Variants in KCNQ4 observed in about 807,000 individuals in gnomAD.
KCNQ4 encodes the protein potassium voltage-gated channel subfamily Q member 4, also known as potassium voltage-gated channel subfamily KQT member 4.
In KCNQ4, 31 loss-of-function variants were observed where a neutral mutation model predicts 72.6. That is an observed-to-expected ratio of 0.43 (90% CI 0.32 to 0.58). The LOEUF (loss-of-function observed/expected upper bound fraction) is 0.58, where lower values mean the gene tolerates loss of function less well. Among genes scored for constraint, KCNQ4 ranks in the 20% least tolerant of loss-of-function variants. The probability of loss-of-function intolerance (pLI) is 0.08; values close to 1 mark genes in which losing one functional copy is unlikely to be tolerated. For missense variants in KCNQ4, 869 were observed against 962.6 expected (o/e 0.90, Z 1.29); for synonymous variants, 405 against 403.7 (o/e 1.00, Z -0.04).
At chr1:40,807,318 G>A (rs1238947616) in intron 1 of KCNQ4, among the ~76,000 whole-genome samples, 3 of 152,136 alleles carry the variant, frequency 2.0e-5, no homozygotes, top group Admixed American at 1.3e-4. Context: ...TTACTGAGTA[G>A]TGCTCCACCT....
chr1:40,797,753 C>T (rs1647458203), intron 1 of KCNQ4, among the ~76,000 whole-genome samples: 1 of 152,152 alleles, frequency 6.6e-6, no homozygotes, highest in Non-Finnish European at 1.5e-5. Flanking sequence ...ACCAACCCTG[C>T]TCAGGGCCTG....
rs574959759 is a variant in KCNQ4, at chr1:40,812,415, C to A, written c.315-4850C>A. Among the ~76,000 whole-genome samples, 237 of 152,258 alleles carry A rather than the reference C, an allele frequency of 1.6e-3. 2 individuals are homozygous for A. The highest frequency in any genetic ancestry group is 5.2e-3 in the African/African-American group (215 of 41,538). ...GGGACCACAGATGCACACCCCCATG[C>A]CTGGCTAATTTTTGTTTTGATTTTT... On this transcript the variant is annotated intron_variant, in intron 1 of 13. Transcript: ENST00000347132.
Position 40,817,213 on chromosome 1 carries a change from G to A in KCNQ4, c.315-52G>A. 6.7e-7 allele frequency: 1 copy of A among 1,485,180 alleles called. No homozygotes were observed. The highest frequency in any genetic ancestry group is 9.4e-7 in the Non-Finnish European group (1 of 1,066,904). The allele number at this position is 1,485,180 out of a possible 1,614,324, so 92.0% of individuals were successfully genotyped here. A position where few individuals can be genotyped will look rare whatever the true frequency, so the allele number is the denominator to read the frequency against. On this transcript the variant is annotated intron_variant, in intron 1 of 13. Coordinates refer to ENST00000347132, the MANE Select transcript of KCNQ4 (RefSeq NM_004700.4). The surrounding 1 kb of genome is among the most constrained non-coding windows in gnomAD (Gnocchi z 5.5). Reference sequence around the variant, plus strand: ...GTAACCCCCTGCCAGGGGCACCTTGGCTGTCCTGTCCCTCCAACAATCTAA... The same window carrying A: ...GTAACCCCCTGCCAGGGGCACCTTGACTGTCCTGTCCCTCCAACAATCTAA...
At chr1:40,787,144 T>G (rs1309878474) in intron 1 of KCNQ4, among the ~76,000 whole-genome samples, 1 of 152,104 alleles carries the variant, frequency 6.6e-6, no homozygotes, top group Non-Finnish European at 1.5e-5. Context: ...ATCCCAGCAC[T>G]GTGAGAGGCT....
intron 1 of KCNQ4, among the ~76,000 whole-genome samples, chr1:40,807,875 C>T (rs1466554698): frequency 6.6e-6 from 1 of 152,158 alleles, no homozygotes; most frequent in Non-Finnish European, 1.5e-5. Flanking sequence ...GAGTCACGCG[C>T]TCCCCAGGCC....
chr1:40,826,911 G>C (rs1166379179), intron 9 of KCNQ4, among the ~76,000 whole-genome samples: 1 of 152,272 alleles, frequency 6.6e-6, no homozygotes, highest in Admixed American at 6.5e-5. Context: ...GGAGCCTTAA[G>C]GATGTGTGCT....
chr1:40,822,307 C>T lies in KCNQ4; in HGVS notation c.1042-7C>T, dbSNP rs775495548. 6.2e-7 allele frequency: 1 copy of T among 1,613,596 alleles called. No homozygotes were observed. The highest frequency in any genetic ancestry group is 1.1e-5 in the South Asian group (1 of 91,078). The stretch of plus-strand genomic sequence containing the variant: ...TGCCCCATCCCCCACGTCCCCCATA[C>T]CACCAGGCTGCCTGGCGCCTGTACT... On this transcript the variant is annotated splice_region_variant and splice_polypyrimidine_tract_variant and intron_variant, in intron 7 of 13. Coordinates refer to ENST00000347132, the MANE Select transcript of KCNQ4 (RefSeq NM_004700.4).
intron 1 of KCNQ4, among the ~76,000 whole-genome samples, chr1:40,796,977 C>T (rs529922045): frequency 3.9e-5 from 6 of 152,144 alleles, no homozygotes; most frequent in Admixed American, 2.0e-4. Flanking sequence ...GCTCCCACCC[C>T]GATTCTACCC....
intron 1 of KCNQ4, among the ~76,000 whole-genome samples, chr1:40,801,724 A>G (rs890996176): frequency 1.3e-5 from 2 of 152,156 alleles, no homozygotes; most frequent in African/African-American, 4.8e-5. Flanking sequence ...GCCCTGTGTC[A>G]GCACTCACCT....
intron 11 of KCNQ4, among the ~76,000 whole-genome samples, chr1:40,833,774 A>G (rs1648727265): frequency 2.6e-5 from 4 of 151,296 alleles, no homozygotes; most frequent in African/African-American, 7.3e-5. Context: ...AGGCAAGAGA[A>G]TCACTTGAGG....
intron 1 of KCNQ4, among the ~76,000 whole-genome samples, chr1:40,802,436 G>T (rs1207277234): frequency 6.6e-6 from 1 of 152,164 alleles, no homozygotes; most frequent in Non-Finnish European, 1.5e-5. Flanking sequence ...AATCGGAGCC[G>T]CAGCACCGCC....
At chr1:40,822,539 T>C (rs911016882) in intron 8 of KCNQ4, 137 bp downstream of exon 8, 1 of 682,586 alleles carries the variant, frequency 1.5e-6, no homozygotes, top group Admixed American at 2.1e-5. Context: ...GCTCTGCAGA[T>C]CCTATGTAAT....
At chr1:40,810,346 G>A (rs1327873090) in intron 1 of KCNQ4, among the ~76,000 whole-genome samples, 16 of 152,180 alleles carry the variant, frequency 1.1e-4, no homozygotes, top group Non-Finnish European at 2.2e-4. Flanking sequence ...TGTGCGGAAG[G>A]CTTCTTGGGA....
chr1:40,834,466 C>T (rs1361024751), intron 11 of KCNQ4, among the ~76,000 whole-genome samples: 1 of 152,006 alleles, frequency 6.6e-6, no homozygotes, highest in Non-Finnish European at 1.5e-5. Context: ...GTAACTGAGC[C>T]GGGAACAGTG....
Position 40,838,349 on chromosome 1 carries a change from C to A in KCNQ4, c.1914C>A (p.Gly638=), listed in dbSNP as rs767633488. Residue 638 remains glycine, a synonymous_variant, in exon 14 of 14, where the codon GGC becomes GGA. Transcript: ENST00000347132. Reference sequence around the variant, plus strand: ...AGCACAAGCTGGACCTGCTGTTGGGCTTCTATTCGCGCTGCCTGCGCTCTG... The same window carrying A: ...AGCACAAGCTGGACCTGCTGTTGGGATTCTATTCGCGCTGCCTGCGCTCTG... ...SIEHKLDLLL[G]FYSRCLRSGT... 4 of 1,613,922 alleles carry A rather than the reference C, an allele frequency of 2.5e-6. No homozygotes were observed. In the South Asian group the frequency reaches 4.4e-5, roughly 18 times the overall value.
intron 9 of KCNQ4, among the ~76,000 whole-genome samples, chr1:40,830,735 C>T (rs577430507): frequency 3.3e-5 from 5 of 152,108 alleles, no homozygotes; most frequent in African/African-American, 9.6e-5. Flanking sequence ...TGCCCACTCA[C>T]CTGCGCCAGG....
Position 40,822,413 on chromosome 1 carries a change from CTGGGGG to C in KCNQ4, c.1130+22_1130+27del. 7 of 277,268 alleles carry C rather than the reference CTGGGGG, an allele frequency of 2.5e-5. No individual in the cohort carries two copies. Among genetic ancestry groups the C allele is most frequent in the Non-Finnish European group, 2.8e-5 (4 of 141,534 alleles). The allele number at this position is 277,268 out of a possible 1,614,324, so 17.2% of individuals were successfully genotyped here. On this transcript the variant is annotated intron_variant, in intron 8 of 13. Transcript: ENST00000347132. ...CCTCCCATCCTTCAGGTAGGTCCTGCTGGGGGTGGGGGTGGGTGGGGGGCTGGCAGC... is the reference window on the plus strand; with the variant it reads ...CCTCCCATCCTTCAGGTAGGTCCTGCTGGGGGTGGGTGGGGGGCTGGCAGC...
intron 9 of KCNQ4, among the ~76,000 whole-genome samples, chr1:40,829,163 G>A (rs1373991681): frequency 1.3e-5 from 2 of 152,222 alleles, no homozygotes; most frequent in Admixed American, 6.5e-5. Context: ...TGGCCAAAGT[G>A]TCAGGGCCTT....
chr1:40,818,743 A>T lies in KCNQ4; in HGVS notation c.708+63A>T, dbSNP rs544121175. ...TGTCTGGGGCACGACCAGAGCGGGC[A>T]GGGCGGAGAGGGCGAGGTCAGAGGG... On this transcript the variant is annotated intron_variant, in intron 4 of 13. Coordinates refer to ENST00000347132, the MANE Select transcript of KCNQ4 (RefSeq NM_004700.4). 2,227 of 1,509,328 alleles carry T rather than the reference A, an allele frequency of 1.5e-3. 44 individuals are homozygous for T. The Admixed American group carries it at 0.031, about 21-fold the overall frequency. The allele number at this position is 1,509,328 out of a possible 1,614,324, so 93.5% of individuals were successfully genotyped here.
Sources: allele counts gnomAD v4.1 joint callset (sites outside exome capture counted in the v4.1 genomes callset), GRCh38; gene constraint gnomAD v4.1.1; non-coding constraint Gnocchi (gnomAD v3.1); transcripts MANE v1.5; gene names NCBI Gene and HGNC (gene_info 2026-07-23, HGNC 2026-07-21).